The following GSTA4 variants were observed in gnomAD, a reference collection of about 807,000 sequenced individuals.
The protein encoded by GSTA4 is glutathione S-transferase A4.
GSTA4 carries 15 observed loss-of-function variants against 24.4 expected under a neutral mutation model. The ratio of observed to expected loss-of-function variants is 0.61; its 90% CI spans 0.41 to 0.95. GSTA4 has a LOEUF of 0.95. GSTA4 is among the 40% of genes least tolerant of loss of function. GSTA4 has a pLI of 0.00. For missense variants in GSTA4, 244 were observed against 262.1 expected (o/e 0.93, Z 0.48); for synonymous variants, 92 against 94.2 (o/e 0.98, Z 0.13).
At chr6:52,979,752 T>C (rs1763414038) in intron 6 of GSTA4, among the ~76,000 whole-genome samples, 1 of 152,218 alleles carries the variant, frequency 6.6e-6, no homozygotes, top group African/African-American at 2.4e-5. Context: ...CAAACATACA[T>C]ACGTCACTAA....
At chr6:52,986,728 G>A (rs1194136085) in intron 3 of GSTA4, among the ~76,000 whole-genome samples, 2 of 152,170 alleles carry the variant, frequency 1.3e-5, no homozygotes, top group African/African-American at 2.4e-5. Flanking sequence ...TTACAGCCCT[G>A]GAGAGCCGGT....
At chr6:52,982,195 C>T (rs910545650) in intron 6 of GSTA4, among the ~76,000 whole-genome samples, 2 of 151,990 alleles carry the variant, frequency 1.3e-5, no homozygotes, top group Non-Finnish European at 2.9e-5. Flanking sequence ...GAGTTTTTTC[C>T]AGGAGTGCAG....
chr6:52,978,622 T>A, intron 6 of GSTA4, 30 bp from the exon 7 acceptor site: 4 of 1,567,870 alleles, frequency 2.6e-6, no homozygotes, highest in East Asian at 4.5e-5. Flanking sequence ...ACTTTAAGGC[T>A]AACAAAAAAG....
chr6:52,986,735 C>G (rs145006843), intron 3 of GSTA4, among the ~76,000 whole-genome samples: 1 of 152,136 alleles, frequency 6.6e-6, no homozygotes, highest in Non-Finnish European at 1.5e-5. Flanking sequence ...CCTGGAGAGC[C>G]GGTACCACAC....
At chr6:52,991,097 G>C (rs1435538210) in intron 2 of GSTA4, among the ~76,000 whole-genome samples, 1 of 152,226 alleles carries the variant, frequency 6.6e-6, no homozygotes, top group Non-Finnish European at 1.5e-5. Flanking sequence ...ACTCACATTT[G>C]CATCTTTGGA....
intron 2 of GSTA4, among the ~76,000 whole-genome samples, chr6:52,992,466 T>C (rs1020772150): frequency 1.3e-5 from 2 of 152,168 alleles, no homozygotes; most frequent in African/African-American, 4.8e-5. Context: ...GGAAACATAG[T>C]AACTTTAAAA....
At position 52,978,426 on chromosome 6, in the gene GSTA4, C is replaced by T. The variant is rs774456813; in HGVS notation, c.*44G>A. On this transcript the variant is annotated 3_prime_UTR_variant, in exon 7 of 7. Coordinates refer to ENST00000370963, the MANE Select transcript of GSTA4 (RefSeq NM_001512.4). ...CATTAAGACATGACTGTAGACAATACCATCTCTAGGAACACACTGTCACTC... is the reference window on the plus strand; with the variant it reads ...CATTAAGACATGACTGTAGACAATATCATCTCTAGGAACACACTGTCACTC... The T allele has an allele frequency of 6.3e-7, 1 of 1,595,296 alleles. No homozygotes were observed. Among genetic ancestry groups the T allele is most frequent in the South Asian group, 1.1e-5 (1 of 89,924 alleles).
In GSTA4 at chr6:52,985,567, G is replaced by T; in HGVS notation, c.156C>A (p.Phe52Leu). The change falls in exon 4 of 7, where the codon TTC becomes TTA. Residue 52 changes from phenylalanine (F) to leucine (L), a missense_variant. By Grantham distance (22) the Phe-to-Leu change is conservative. Transcript: ENST00000370963. ...CAATTTCAACCATGGGCACTTGTTG[G>T]AACAGCAGGTGGTTACCTGAGAATG... Reference protein sequence around the residue: ...YKLQDGNHLLFQQVPMVEIDG... With the variant: ...YKLQDGNHLLLQQVPMVEIDG... 1 of 1,613,982 alleles carries T rather than the reference G, an allele frequency of 6.2e-7. No individual in the cohort carries two copies. Among genetic ancestry groups the T allele is most frequent in the South Asian group, 1.1e-5 (1 of 91,078 alleles).
At chr6:52,991,028 C>T (rs1763649827) in intron 2 of GSTA4, among the ~76,000 whole-genome samples, 2 of 152,194 alleles carry the variant, frequency 1.3e-5, no homozygotes, top group African/African-American at 4.8e-5. Context: ...CACCATGTGG[C>T]AAGTTGTCAT....
chr6:52,985,542 C>T lies in GSTA4; in HGVS notation c.181G>A (p.Asp61Asn), dbSNP rs1388273825. ...LFQQVPMVEI[D>N]GMKLVQTRSI... ...CGGGTCTGTACCAACTTCATCCCGT[C>T]AATTTCAACCATGGGCACTTGTTGG... Residue 61 changes from aspartate (D) to asparagine (N), a missense_variant, in exon 4 of 7, where the codon GAC (aspartate) becomes AAC (asparagine). Transcript: ENST00000370963. 1 of 1,613,960 alleles carries T rather than the reference C, an allele frequency of 6.2e-7. No homozygotes were observed. Among genetic ancestry groups the T allele is most frequent in the Admixed American group, 1.7e-5 (1 of 60,032 alleles).
At chr6:52,982,781 T>C (rs1763476978) in intron 5 of GSTA4, 76 bp from the exon 6 acceptor site, 11 of 1,133,942 alleles carry the variant, frequency 9.7e-6, no homozygotes, top group Middle Eastern at 2.0e-4. Context: ...CAGTGCAGTA[T>C]CTGAGAAGAG....
chr6:52,988,998 T>C (rs1274626174), intron 2 of GSTA4, among the ~76,000 whole-genome samples: 1 of 151,678 alleles, frequency 6.6e-6, no homozygotes, highest in Non-Finnish European at 1.5e-5. Context: ...AGACAGGAGG[T>C]CAGCAAAAGA....
Position 52,982,677 on chromosome 6 carries a change from A to G in GSTA4, c.443T>C (p.Leu148Pro), listed in dbSNP as rs1228178070. Reference protein sequence around the residue: ...KILRGHGQSFLVGNQLSLADV... With the variant: ...KILRGHGQSFPVGNQLSLADV... ...TGCAAGGCTCAGCTGATTACCAACA[A>G]GAAAGCTTTGTCCGTGACCCCTTAA... The change falls in exon 6 of 7, where the codon CTT (leucine) becomes CCT (proline). Residue 148 changes from leucine (L) to proline (P), a missense_variant. Coordinates refer to ENST00000370963, the MANE Select transcript of GSTA4 (RefSeq NM_001512.4). 1 of 1,612,746 alleles carries G rather than the reference A, an allele frequency of 6.2e-7. No individual in the cohort carries two copies. Among genetic ancestry groups the G allele is most frequent in the Non-Finnish European group, 8.5e-7 (1 of 1,178,916 alleles).
chr6:52,992,258 C>A (rs1561987462), intron 2 of GSTA4, among the ~76,000 whole-genome samples: 5 of 152,128 alleles, frequency 3.3e-5, no homozygotes, highest in Admixed American at 3.3e-4. Flanking sequence ...AGTCATCAGA[C>A]TATAATCTAA....
rs1321980372 is a variant in GSTA4, at chr6:52,978,625, C to A, written c.547-33G>T. On this transcript the variant is annotated intron_variant, in intron 6 of 6. Transcript: ENST00000370963. ...AGGAAAACCAAAACTTTAAGGCTAA[C>A]AAAAAAGGTATTAGATACTACGAAG... is the stretch of plus-strand genomic sequence containing the variant. 11 of 1,553,656 alleles carry A rather than the reference C, an allele frequency of 7.1e-6. No individual in the cohort carries two copies. In the Admixed American group the frequency reaches 7.7e-5, roughly 11 times the overall value.
intron 1 of GSTA4, chr6:52,994,959 G>A (rs1763742642): frequency 6.6e-6 from 1 of 152,376 alleles, no homozygotes; most frequent in Non-Finnish European, 1.5e-5. Context: ...GCCAGGCCCG[G>A]GGACGATCCG....
At chr6:52,990,670 A>T (rs1763644811) in intron 2 of GSTA4, among the ~76,000 whole-genome samples, 1 of 152,234 alleles carries the variant, frequency 6.6e-6, no homozygotes, top group Admixed American at 6.5e-5. Context: ...TGAAGAGAGA[A>T]GATTTGACAA....
rs200050792 is a variant in GSTA4 at position 52,978,439 on chromosome 6, C to T, written c.*31G>A. 1.2e-6 allele frequency: 2 copies of T among 1,607,966 alleles called. No individual in the cohort carries two copies. Among genetic ancestry groups the T allele is most frequent in the East Asian group, 4.5e-5 (2 of 44,780 alleles). On this transcript the variant is annotated 3_prime_UTR_variant, in exon 7 of 7. Transcript: ENST00000370963. Reference sequence around the variant, plus strand: ...CTGTAGACAATACCATCTCTAGGAACACACTGTCACTCACACATGGATGTG... The same window carrying T: ...CTGTAGACAATACCATCTCTAGGAATACACTGTCACTCACACATGGATGTG...
rs1763519184 is a variant in GSTA4 at position 52,984,608 on chromosome 6, TAAAAC to T, written c.273-8_273-4del. On this transcript the variant is annotated splice_polypyrimidine_tract_variant and splice_region_variant and intron_variant, in intron 4 of 6. Transcript: ENST00000370963. ...TCCCCTCCACGTACATGTCAATCCT[TAAAAC>T]AAAAAAGCAGTTGTCTCAGTTTCTC... 1.2e-6 allele frequency: 2 copies of T among 1,607,808 alleles called. No homozygotes were observed. The highest frequency in any genetic ancestry group is 1.7e-6 in the Non-Finnish European group (2 of 1,178,072).
Sources: allele counts gnomAD v4.1 joint callset (sites outside exome capture counted in the v4.1 genomes callset), GRCh38; gene constraint gnomAD v4.1.1; transcripts MANE v1.5; gene names NCBI Gene and HGNC (gene_info 2026-07-23, HGNC 2026-07-21).